SLC26A3: variants seen among roughly 807,000 people sequenced by gnomAD.
SLC26A3 encodes solute carrier family 26 member 3, also known as chloride anion exchanger.
A neutral mutation model predicts 85.6 loss-of-function variants in SLC26A3; 64 were observed. The observed-to-expected ratio is 0.75, with a 90% CI of 0.61 to 0.92. SLC26A3 has a LOEUF of 0.92. SLC26A3 is among the 40% of genes least tolerant of loss of function. The pLI, the probability that SLC26A3 is intolerant of heterozygous loss-of-function variation, is 0.00. For missense variants in SLC26A3, 922 were observed against 927.3 expected (o/e 0.99, Z 0.07); for synonymous variants, 349 against 336.0 (o/e 1.04, Z -0.42).
chr7:107,788,610 CT>C (rs939851183), intron 6 of SLC26A3, among the ~76,000 whole-genome samples: 52 of 151,016 alleles, frequency 3.4e-4, no homozygotes, highest in Admixed American at 2.6e-3. Flanking sequence ...AAAACATAGA[CT>C]TTTTTTTTCC....
At chr7:107,800,207 C>T (rs1215125117) in intron 1 of SLC26A3, among the ~76,000 whole-genome samples, 2 of 152,184 alleles carry the variant, frequency 1.3e-5, no homozygotes, top group African/African-American at 4.8e-5. Context: ...TAAAAATACT[C>T]AGCACAGCTG....
intron 17 of SLC26A3, 29 bp downstream of exon 17, chr7:107,773,891 G>A: frequency 1.3e-6 from 2 of 1,553,168 alleles, no homozygotes; most frequent in Non-Finnish European, 1.8e-6. Context: ...TCATTGATTG[G>A]TTGTTTCCAT....
intron 1 of SLC26A3, among the ~76,000 whole-genome samples, chr7:107,799,276 A>G (rs922003714): frequency 1.3e-5 from 2 of 152,222 alleles, no homozygotes; most frequent in Admixed American, 6.5e-5. Context: ...GTACAACAGA[A>G]AAGAGTGAGA....
intron 5 of SLC26A3, among the ~76,000 whole-genome samples, chr7:107,790,508 A>T (rs965416833): frequency 1.3e-5 from 2 of 152,224 alleles, no homozygotes; most frequent in African/African-American, 4.8e-5. Flanking sequence ...CAAAAAGTCC[A>T]TGACATTTTC....
intron 18 of SLC26A3, among the ~76,000 whole-genome samples, chr7:107,770,000 CTCTTTCTTTCTTTCTTTCTTTCTT>C (rs3076030): frequency 0.081 from 10,571 of 131,028 alleles, 889 homozygotes; most frequent in African/African-American, 0.21. Flanking sequence ...TTCCTTTTTT[CTCTTTCTTTCTTTCTTTCTTTCTT>C]TCTTTCTTTC....
intron 15 of SLC26A3, among the ~76,000 whole-genome samples, chr7:107,775,721 C>CA (rs397967384): frequency 8.7e-4 from 120 of 138,296 alleles, no homozygotes; most frequent in African/African-American, 2.1e-3. Flanking sequence ...GACCTTGTCT[C>CA]AAAAAAAAAA....
In SLC26A3 at chr7:107,793,791, G is replaced by C. The variant is rs772195554; in HGVS notation, c.222C>G (p.Leu74=). ...TGCTGATACCAGAAACAATATCACT[G>C]AGCAACCATTCTTTAAGCCGGTATG... The part of the protein sequence containing the change: ...LPAYRLKEWL[L]SDIVSGISTG... The change falls in exon 3 of 21, where the codon CTC becomes CTG. Residue 74 remains leucine, a synonymous_variant. Coordinates refer to ENST00000340010, the MANE Select transcript of SLC26A3 (RefSeq NM_000111.3). 6.2e-7 allele frequency: 1 copy of C among 1,614,078 alleles called. No homozygotes were observed. Among genetic ancestry groups the C allele is most frequent in the East Asian group, 2.2e-5 (1 of 44,882 alleles).
intron 12 of SLC26A3, 78 bp from the exon 13 acceptor site, chr7:107,778,359 A>AATTTTTTTTTTTTT: frequency 2.2e-6 from 1 of 453,046 alleles, no homozygotes; most frequent in African/African-American, 6.5e-5. Flanking sequence ...TTTTAAAAAG[A>AATTTTTTTTTTTTT]CTTTTTTTTT....
intron 3 of SLC26A3, among the ~76,000 whole-genome samples, chr7:107,793,150 G>A (rs1794431188): frequency 6.6e-6 from 1 of 152,160 alleles, no homozygotes; most frequent in Non-Finnish European, 1.5e-5. Context: ...AATGTAAAAT[G>A]GTGTAGCTAC....
intron 8 of SLC26A3, among the ~76,000 whole-genome samples, chr7:107,785,625 T>G (rs1414812457): frequency 6.6e-6 from 1 of 152,188 alleles, no homozygotes; most frequent in East Asian, 1.9e-4. Context: ...AGTGGCAGAA[T>G]AGAAGGAAAC....
chr7:107,774,088 T>G lies in SLC26A3; in HGVS notation c.1839A>C (p.Ile613=), dbSNP rs777404277. ...TATTGATTGGCTGGTCCAGTACTTCTATCTGATTGTTGTCCAGCTCTTCGT... is the reference window on the plus strand; with the variant it reads ...TATTGATTGGCTGGTCCAGTACTTCGATCTGATTGTTGTCCAGCTCTTCGT... The part of the protein sequence containing the change: ...DSDEELDNNQ[I]EVLDQPINTT... Residue 613 remains isoleucine, a synonymous_variant, in exon 17 of 21, where the codon ATA becomes ATC. Coordinates refer to ENST00000340010, the MANE Select transcript of SLC26A3 (RefSeq NM_000111.3). 6.2e-7 allele frequency: 1 copy of G among 1,614,206 alleles called. No homozygotes were observed. The highest frequency in any genetic ancestry group is 1.1e-5 in the South Asian group (1 of 91,088).
chr7:107,787,611 C>T, intron 6 of SLC26A3, 102 bp from the exon 7 acceptor site: 1 of 910,818 alleles, frequency 1.1e-6, no homozygotes, highest in Non-Finnish European at 1.7e-6. Flanking sequence ...AGCAAAAAGA[C>T]TGATAGAGAC....
chr7:107,786,654 T>C (rs989409191), intron 8 of SLC26A3, among the ~76,000 whole-genome samples, 173 bp downstream of exon 8: 8 of 151,428 alleles, frequency 5.3e-5, no homozygotes, highest in Non-Finnish European at 1.2e-4. Context: ...CCTTTCTTTG[T>C]AGCACCTTCC....
chr7:107,786,550 T>C (rs1477357880), intron 8 of SLC26A3, among the ~76,000 whole-genome samples: 1 of 151,912 alleles, frequency 6.6e-6, no homozygotes, highest in Non-Finnish European at 1.5e-5. Context: ...CTTGTCTTGT[T>C]TGTGAGTTCT....
intron 6 of SLC26A3, among the ~76,000 whole-genome samples, chr7:107,788,071 C>T (rs1274917757): frequency 6.6e-6 from 1 of 152,144 alleles, no homozygotes; most frequent in African/African-American, 2.4e-5. Flanking sequence ...TATCCACTTA[C>T]CCCAAAAAGC....
chr7:107,794,330 G>A, intron 2 of SLC26A3, 49 bp downstream of exon 2: 1 of 1,605,866 alleles, frequency 6.2e-7, no homozygotes, highest in South Asian at 1.1e-5. Flanking sequence ...TTAGGGGAAA[G>A]TGCTTCAAAA....
intron 11 of SLC26A3, among the ~76,000 whole-genome samples, chr7:107,780,521 G>C (rs537939002): frequency 1.2e-4 from 18 of 152,264 alleles, no homozygotes; most frequent in African/African-American, 3.9e-4. Context: ...GTAGGAACAT[G>C]CCCCTCACCG....
chr7:107,794,629 A>C, intron 1 of SLC26A3, 32 bp from the exon 2 acceptor site: 3 of 1,054,520 alleles, frequency 2.8e-6, no homozygotes, highest in Non-Finnish European at 2.9e-6. Flanking sequence ...TTCTTAAATA[A>C]CTCAGAGATA....
intron 11 of SLC26A3, among the ~76,000 whole-genome samples, 167 bp downstream of exon 11, chr7:107,782,630 A>G (rs754807087): frequency 5.3e-5 from 8 of 152,222 alleles, no homozygotes; most frequent in Non-Finnish European, 1.0e-4. Context: ...ACATGTTGCC[A>G]GGGAAAAAGA....
Sources: allele counts gnomAD v4.1 joint callset (sites outside exome capture counted in the v4.1 genomes callset), GRCh38; gene constraint gnomAD v4.1.1; transcripts MANE v1.5; gene names NCBI Gene and HGNC (gene_info 2026-07-23, HGNC 2026-07-21).